The following SUN1 variants were observed in gnomAD, a reference collection of about 807,000 sequenced individuals.
SUN1 encodes the protein Sad1 and UNC84 domain containing 1.
A neutral mutation model predicts 103.2 loss-of-function variants in SUN1; 61 were observed. That is an observed-to-expected ratio of 0.59 (90% CI 0.48 to 0.73). The LOEUF is 0.73. Among genes scored for constraint, SUN1 ranks in the 30% least tolerant of loss-of-function variants. The pLI is 0.00. For synonymous variants in SUN1, 490 were observed against 425.7 expected (o/e 1.15, Z -1.86); for missense variants, 1,052 against 1,034.6 (o/e 1.02, Z -0.23).
chr7:852,509 G>T, intron 7 of SUN1, 100 bp from the exon 8 acceptor site: 1 of 1,360,604 alleles, frequency 7.3e-7, no homozygotes, highest in South Asian at 1.2e-5. Context: ...CTAATACTGG[G>T]GGGGTGGATT....
chr7:835,726 G>C (rs1802396955), intron 1 of SUN1, among the ~76,000 whole-genome samples: 1 of 152,226 alleles, frequency 6.6e-6, no homozygotes. Flanking sequence ...CGCTGAGGCT[G>C]ATGGATGTTG....
chr7:833,981 C>T (rs1160370917), intron 1 of SUN1, among the ~76,000 whole-genome samples: 1 of 152,216 alleles, frequency 6.6e-6, no homozygotes, highest in Non-Finnish European at 1.5e-5. Flanking sequence ...AAATTCACAG[C>T]CTTCCTTCAG....
chr7:852,066 AGCGTGGT>A (rs773731976), intron 7 of SUN1, 23 bp downstream of exon 7: 7 of 1,610,552 alleles, frequency 4.3e-6, no homozygotes, highest in Non-Finnish European at 5.1e-6. Context: ...ATATCATGTC[AGCGTGGT>A]GCTTTAAGGA....
In SUN1 at chr7:853,461, T is replaced by C. The variant is rs756006692; in HGVS notation, c.1106T>C (p.Val369Ala). Residue 369 changes from valine to alanine, a missense_variant, in exon 10 of 19, where the codon GTG becomes GCG. This residue lies in a region of SUN1 where 846 missense variants were observed against 774.5 expected (regional missense o/e 1.09). Transcript: ENST00000401592. ...TGGATGAGTGGCGTGGAGCAGCAGG[T>C]GGCCTCTCTGTCTGGACAGTGCCAC... ...WHWMSGVEQQ[V>A]ASLSGQCHHH... The C allele has an allele frequency of 1.2e-6, 2 of 1,614,042 alleles. No individual in the cohort carries two copies. Among genetic ancestry groups the C allele is most frequent in the South Asian group, 2.2e-5 (2 of 91,082 alleles).
chr7:840,636 ATTCTT>A (rs1452868676), intron 2 of SUN1, among the ~76,000 whole-genome samples: 2 of 111,510 alleles, frequency 1.8e-5, no homozygotes, highest in East Asian at 3.7e-4. Flanking sequence ...TTGACCATCT[ATTCTT>A]TTTTTTTTTT....
rs572688557 is a variant in SUN1, at chr7:873,199, C to T, written c.2242-16C>T. On this transcript the variant is annotated splice_polypyrimidine_tract_variant and intron_variant, in intron 18 of 18. Transcript: ENST00000401592. ...ATATGAAATACATGTGTGTGTTTTTCCCACCTTGATTTCAGAAAAGACCCG... is the reference window on the plus strand; with the variant it reads ...ATATGAAATACATGTGTGTGTTTTTTCCACCTTGATTTCAGAAAAGACCCG... 1.1e-5 allele frequency: 17 copies of T among 1,611,576 alleles called. No homozygotes were observed. The South Asian group carries it at 1.6e-4, about 16-fold the overall frequency.
upstream of SUN1, among the ~76,000 whole-genome samples, chr7:828,871 C>A (rs907915152): frequency 6.6e-6 from 1 of 152,208 alleles, no homozygotes; most frequent in Non-Finnish European, 1.5e-5. Flanking sequence ...TGTGCTGAGC[C>A]GGCCAGCCTG....
intron 12 of SUN1, among the ~76,000 whole-genome samples, chr7:857,113 T>G (rs1250466066): frequency 6.6e-6 from 1 of 152,088 alleles, no homozygotes; most frequent in Non-Finnish European, 1.5e-5. Context: ...TTGTCTTTCT[T>G]ACTTCATTTT....
chr7:832,218 C>A, upstream of SUN1: 1 of 704,970 alleles, frequency 1.4e-6, no homozygotes, highest in Non-Finnish European at 2.0e-6. Flanking sequence ...CTCCGTGTTT[C>A]TTGGAAGGTG....
chr7:843,949 G>A, intron 5 of SUN1: 14 of 1,052,900 alleles, frequency 1.3e-5, no homozygotes, highest in Non-Finnish European at 1.6e-5. Context: ...TCCCGTGGTC[G>A]CTAGCCCTGT....
At chr7:819,004 C>T (rs1783544578) in intron 1 of SUN1, among the ~76,000 whole-genome samples, 2 of 152,028 alleles carry the variant, frequency 1.3e-5, no homozygotes, top group Non-Finnish European at 1.5e-5. Flanking sequence ...GCTGGGATTA[C>T]AGGTGCCTGC....
intron 10 of SUN1, among the ~76,000 whole-genome samples, chr7:854,583 A>T (rs1354185009): frequency 1.3e-5 from 2 of 152,230 alleles, no homozygotes; most frequent in African/African-American, 2.4e-5. Context: ...TTGGGCTCTC[A>T]CGTGGTCTGG....
At position 843,483 on chromosome 7, in the gene SUN1, C is replaced by T. The variant is rs367825879; in HGVS notation, c.621C>T (p.Pro207=). The T allele has an allele frequency of 2.5e-5, 40 of 1,613,908 alleles. No individual in the cohort carries two copies. Among genetic ancestry groups the T allele is most frequent in the Middle Eastern group, 1.6e-4 (1 of 6,084 alleles). Reference sequence around the variant, plus strand: ...CGGCGCACCCCGCGGCCCCCGGGCCCGTGTCGAGAGTTTATTCTAGGGACA... The same window carrying T: ...CGGCGCACCCCGCGGCCCCCGGGCCTGTGTCGAGAGTTTATTCTAGGGACA... The part of the protein sequence containing the change: ...VLTAHPAAPG[P]VSRVYSRDRN... The change falls in exon 5 of 19, where the codon CCC becomes CCT. Residue 207 remains proline (P), a synonymous_variant. Transcript: ENST00000401592.
At chr7:871,476 C>T (rs12700281) in intron 17 of SUN1, among the ~76,000 whole-genome samples, 80,453 of 151,986 alleles carry the variant, frequency 0.53, 21,728 homozygotes, top group East Asian at 0.83. Flanking sequence ...CAATGTCCGC[C>T]TCCCGGGTTC....
chr7:842,770 TTAGTTCCAGAG>T, intron 3 of SUN1, among the ~76,000 whole-genome samples: 1 of 152,336 alleles, frequency 6.6e-6, no homozygotes, highest in Non-Finnish European at 1.5e-5. Context: ...AAGATCCAGA[TTAGTTCCAGAG>T]ATCACATGTG....
At chr7:853,655 C>T (rs770287297) in intron 10 of SUN1, 37 bp downstream of exon 10, 1 of 1,589,154 alleles carries the variant, frequency 6.3e-7, no homozygotes, top group East Asian at 2.2e-5. Context: ...CATGGTGACA[C>T]CAACGCGCTT....
Position 838,399 on chromosome 7 carries a change from A to G in SUN1, c.78-399A>G, listed in dbSNP as rs1005088841. ...CTCCTCTCCTGCGTGGATTCATTCT[A>G]CGGCGCACTGGTGTATTGGATTAAA... On this transcript the variant is annotated intron_variant, in intron 1 of 18. Coordinates refer to ENST00000401592, the MANE Select transcript of SUN1 (RefSeq NM_001130965.3). Among the ~76,000 whole-genome samples the G allele has an allele frequency of 3.9e-5, 6 of 152,290 alleles. No homozygotes were observed. In the South Asian group the frequency reaches 6.2e-4, roughly 16 times the overall value.
rs1452737169 is a variant in SUN1, at chr7:851,502, G to T, written c.757+20G>T. 1.3e-6 allele frequency: 2 copies of T among 1,583,880 alleles called. No homozygotes were observed. The highest frequency in any genetic ancestry group is 1.7e-6 in the Non-Finnish European group (2 of 1,163,872). On this transcript the variant is annotated intron_variant, in intron 6 of 18. Transcript: ENST00000401592. Reference sequence around the variant, plus strand: ...CTCCAGGTGGCTATTTTGGGTTTCTGTGTTGCGTTCTCTCCAGAGCTTCTG... The same window carrying T: ...CTCCAGGTGGCTATTTTGGGTTTCTTTGTTGCGTTCTCTCCAGAGCTTCTG...
At chr7:871,089 C>G (rs536175555) in intron 17 of SUN1, among the ~76,000 whole-genome samples, 4 of 151,868 alleles carry the variant, frequency 2.6e-5, no homozygotes, top group African/African-American at 9.7e-5. Flanking sequence ...CGGGGTTTCT[C>G]CTTGTTGCTC....
Sources: gnomAD v4.1 joint callset for allele counts (sites outside exome capture counted in the v4.1 genomes callset) on GRCh38, gnomAD v4.1.1 for gene constraint, gnomAD v4.1.1 regional missense constraint, MANE v1.5 for transcripts, NCBI Gene and HGNC (gene_info 2026-07-23, HGNC 2026-07-21) for gene names.